Variants in FBXO34 observed in about 807,000 individuals in gnomAD.
FBXO34 encodes the protein F-box only protein 34.
Under a neutral mutation model 24.5 loss-of-function variants are expected in FBXO34, and 12 were observed. The observed-to-expected ratio is 0.49, with a 90% CI of 0.31 to 0.79. The LOEUF (loss-of-function observed/expected upper bound fraction) is 0.79, where lower values mean the gene tolerates loss of function less well. Among genes scored for constraint, FBXO34 ranks in the 30% least tolerant of loss-of-function variants. The pLI, the probability that FBXO34 is intolerant of heterozygous loss-of-function variation, is 0.04. For synonymous variants in FBXO34, 320 were observed against 311.9 expected (o/e 1.03, Z -0.27); for missense variants, 823 against 857.7 (o/e 0.96, Z 0.51).
chr14:55,411,940 C>T, the FBXO34 span: 4 of 931,416 alleles, frequency 4.3e-6, no homozygotes, highest in Admixed American at 1.1e-4. Context: ...CCGGACCCCT[C>T]CGCCGCCGCG....
chr14:55,321,162 C>CA (rs1566554550), intron 1 of FBXO34, among the ~76,000 whole-genome samples: 5 of 120,082 alleles, frequency 4.2e-5, no homozygotes, highest in Admixed American at 3.2e-4. Context: ...CTGATATGGG[C>CA]GGTTTTTTTT....
At chr14:55,439,407 GCTCT>G in the FBXO34 span, among the ~76,000 whole-genome samples, 6 of 152,096 alleles carry the variant, frequency 3.9e-5, no homozygotes, top group Non-Finnish European at 8.8e-5. Context: ...GGGGACAGGG[GCTCT>G]CTGTTTCCCC....
chr14:55,428,119 C>CTTTT, the FBXO34 span, among the ~76,000 whole-genome samples: 133 of 43,360 alleles, frequency 3.1e-3, 45 homozygotes, highest in East Asian at 0.022. Flanking sequence ...CATGCCTTAT[C>CTTTT]TTTTTTTTTT....
At chr14:55,365,153 G>A (rs781636253), downstream of FBXO34, among the ~76,000 whole-genome samples, 28 of 148,824 alleles carry the variant, frequency 1.9e-4, no homozygotes, top group Non-Finnish European at 3.3e-4. Context: ...AGAGCTTGCA[G>A]TGAGCCGAGA....
intron 1 of FBXO34, among the ~76,000 whole-genome samples, chr14:55,333,927 C>T (rs141477144): frequency 9.9e-5 from 15 of 152,144 alleles, no homozygotes; most frequent in African/African-American, 1.4e-4. Context: ...TAGATTGTTC[C>T]GTCCTGGAGG....
At chr14:55,423,438 G>A in the FBXO34 span, among the ~76,000 whole-genome samples, 5 of 152,212 alleles carry the variant, frequency 3.3e-5, no homozygotes, top group Admixed American at 2.6e-4. Flanking sequence ...GGTAAAAGCA[G>A]CCAAATGTCT....
the FBXO34 span, among the ~76,000 whole-genome samples, chr14:55,405,355 A>C: frequency 2.0e-3 from 312 of 152,322 alleles, 3 homozygotes; most frequent in African/African-American, 7.2e-3. Flanking sequence ...CCCATTTCTC[A>C]ATTTGTTTAG....
At chr14:55,277,745 G>T (rs1881391366) in intron 1 of FBXO34, among the ~76,000 whole-genome samples, 1 of 152,210 alleles carries the variant, frequency 6.6e-6, no homozygotes, top group African/African-American at 2.4e-5. Flanking sequence ...GGGCTTCTCA[G>T]TTATAATTCT....
the FBXO34 span, chr14:55,424,289 A>T: frequency 2.9e-6 from 4 of 1,379,320 alleles, no homozygotes; most frequent in East Asian, 9.2e-5. Flanking sequence ...TAAAAATAGC[A>T]CTATTCAGCT....
At chr14:55,438,330 C>G in the FBXO34 span, among the ~76,000 whole-genome samples, 1 of 152,172 alleles carries the variant, frequency 6.6e-6, no homozygotes, top group Non-Finnish European at 1.5e-5. Context: ...AAAACAAAAT[C>G]AAGCTATTCT....
chr14:55,334,428 A>G (rs1883703554), intron 1 of FBXO34, among the ~76,000 whole-genome samples: 1 of 151,672 alleles, frequency 6.6e-6, no homozygotes, highest in Non-Finnish European at 1.5e-5. Flanking sequence ...TCTATCTTGA[A>G]GACAGGGTAG....
chr14:55,420,225 A>C, the FBXO34 span, among the ~76,000 whole-genome samples: 4 of 152,156 alleles, frequency 2.6e-5, no homozygotes, highest in Non-Finnish European at 4.4e-5. Flanking sequence ...CACGCACCAC[A>C]ATGCCCGGCT....
chr14:55,366,324 C>A (rs996376284), downstream of FBXO34: 2 of 152,610 alleles, frequency 1.3e-5, no homozygotes, highest in African/African-American at 2.4e-5. Context: ...GGTTCAATCT[C>A]ATTCTTGCTA....
the FBXO34 span, among the ~76,000 whole-genome samples, chr14:55,393,223 AAC>A: frequency 1.4e-4 from 21 of 148,010 alleles, no homozygotes; most frequent in Admixed American, 1.2e-3. Context: ...CTACTAAAAA[AAC>A]ACAAAAAAAC....
chr14:55,386,166 C>G, the FBXO34 span: 62 of 1,278,444 alleles, frequency 4.8e-5, no homozygotes, highest in Non-Finnish European at 6.4e-5. Flanking sequence ...AGCTCCACCC[C>G]ACAAACATGC....
At chr14:55,375,685 CCAGTT>C in the FBXO34 span, among the ~76,000 whole-genome samples, 1 of 151,864 alleles carries the variant, frequency 6.6e-6, no homozygotes, top group Non-Finnish European at 1.5e-5. Context: ...TCTTGGATAT[CCAGTT>C]CAATAATTAT....
At chr14:55,433,496 T>A in the FBXO34 span, 1 of 826,070 alleles carries the variant, frequency 1.2e-6, no homozygotes, top group South Asian at 1.8e-5. Context: ...AAATGTGGCA[T>A]TTCATTGAAT....
At chr14:55,369,533 C>G, downstream of FBXO34, 1 of 1,268,154 alleles carries the variant, frequency 7.9e-7, no homozygotes, top group East Asian at 2.4e-5. Flanking sequence ...CAGACACTAT[C>G]TTAACTTAAA....
the FBXO34 span, among the ~76,000 whole-genome samples, chr14:55,407,357 T>C: frequency 2.6e-5 from 4 of 152,256 alleles, no homozygotes; most frequent in African/African-American, 4.8e-5. Context: ...TCTCGGTCTC[T>C]TGACCTTGTA....
Sources: allele counts gnomAD v4.1 joint callset (sites outside exome capture counted in the v4.1 genomes callset), GRCh38; gene constraint gnomAD v4.1.1; transcripts MANE v1.5; gene names NCBI Gene and HGNC (gene_info 2026-07-23, HGNC 2026-07-21).